The following CDK14 variants were observed in gnomAD, a reference collection of about 807,000 sequenced individuals.
CDK14 encodes cyclin-dependent kinase 14.
Under a neutral mutation model 60.7 loss-of-function variants are expected in CDK14, and 34 were observed. The observed-to-expected ratio is 0.56, with a 90% CI of 0.43 to 0.75. The LOEUF (loss-of-function observed/expected upper bound fraction) is 0.75, where lower values mean the gene tolerates loss of function less well. Among genes scored for constraint, CDK14 ranks in the 30% least tolerant of loss-of-function variants. The pLI, the probability that CDK14 is intolerant of heterozygous loss-of-function variation, is 0.00. For missense variants in CDK14, 482 were observed against 564.1 expected, an observed-to-expected ratio of 0.85 and a Z score of 1.47; for synonymous variants, 197 against 203.7, an observed-to-expected ratio of 0.97 and a Z score of 0.28.
intron 5 of CDK14, among the ~76,000 whole-genome samples, chr7:90,852,561 C>G (rs893891816): frequency 1.3e-5 from 2 of 152,140 alleles, no homozygotes; most frequent in Non-Finnish European, 2.9e-5. Context: ...GTCTTTGCCA[C>G]CATATGGTTG....
At chr7:90,649,330 T>TTCCG (rs1800554651) in intron 2 of CDK14, among the ~76,000 whole-genome samples, 3 of 45,074 alleles carry the variant, frequency 6.7e-5, no homozygotes, top group African/African-American at 4.3e-4. Flanking sequence ...CCTTCCTTCC[T>TTCCG]TCCTTCCTTC....
At chr7:90,843,540 C>G (rs1038595372) in intron 5 of CDK14, among the ~76,000 whole-genome samples, 1 of 152,152 alleles carries the variant, frequency 6.6e-6, no homozygotes, top group Non-Finnish European at 1.5e-5. Flanking sequence ...TACATCTAAT[C>G]ATATTCCTCA....
chr7:91,124,715 T>A lies in CDK14; in HGVS notation c.*28+6507T>A, dbSNP rs1214292620. ...ATCTTCTGACTTCTTAAAACCCAAA[T>A]TAATTTCTTAGGGACTATTTAGCCA... On this transcript the variant is annotated intron_variant, in intron 14 of 14. Transcript: ENST00000380050. Among the ~76,000 whole-genome samples, 4 of 152,246 alleles carry A rather than the reference T, an allele frequency of 2.6e-5. No homozygotes were observed. In the East Asian group the frequency reaches 7.7e-4, roughly 29 times the overall value.
At chr7:90,656,108 T>G (rs1800746263) in intron 2 of CDK14, among the ~76,000 whole-genome samples, 1 of 152,190 alleles carries the variant, frequency 6.6e-6, no homozygotes, top group African/African-American at 2.4e-5. Flanking sequence ...CCAGCTGGAA[T>G]AAGGCAAACA....
intron 14 of CDK14, among the ~76,000 whole-genome samples, chr7:91,129,815 G>T (rs998558032): frequency 6.6e-6 from 1 of 152,092 alleles, no homozygotes; most frequent in South Asian, 2.1e-4. Flanking sequence ...ATAAACAAAT[G>T]TGATTTTTTT....
At chr7:91,179,940 T>C (rs926019986) in intron 14 of CDK14, among the ~76,000 whole-genome samples, 1 of 152,234 alleles carries the variant, frequency 6.6e-6, no homozygotes, top group African/African-American at 2.4e-5. Context: ...TTTAATCTTA[T>C]TAGGAATTTT....
intron 14 of CDK14, among the ~76,000 whole-genome samples, chr7:91,182,512 A>T (rs759638189): frequency 4.0e-5 from 6 of 151,818 alleles, no homozygotes; most frequent in Non-Finnish European, 8.8e-5. Context: ...TCCTTATGCA[A>T]TTTTTTTTAT....
chr7:90,776,536 G>A (rs912325790), intron 4 of CDK14, among the ~76,000 whole-genome samples: 2 of 152,104 alleles, frequency 1.3e-5, no homozygotes, highest in Non-Finnish European at 2.9e-5. Context: ...GTGTGAGCTC[G>A]GCTTTAAAGT....
chr7:91,013,396 A>T (rs997987220), intron 10 of CDK14, among the ~76,000 whole-genome samples: 20 of 152,200 alleles, frequency 1.3e-4, no homozygotes, highest in African/African-American at 4.8e-4. Flanking sequence ...AAAACTTTGT[A>T]TTTGACTTCA....
intron 14 of CDK14, among the ~76,000 whole-genome samples, chr7:91,127,831 A>G (rs2116413590): frequency 6.6e-6 from 1 of 152,296 alleles, no homozygotes; most frequent in South Asian, 2.1e-4. Context: ...GCAGTTTATA[A>G]AAAGAGAACA....
chr7:90,606,643 A>G (rs1051419170), intron 2 of CDK14, among the ~76,000 whole-genome samples: 4 of 152,226 alleles, frequency 2.6e-5, no homozygotes, highest in Non-Finnish European at 5.9e-5. Context: ...CTTGCATATT[A>G]AAACTGAGAA....
intron 12 of CDK14, among the ~76,000 whole-genome samples, chr7:91,089,274 T>C (rs1798732479): frequency 6.6e-6 from 1 of 152,150 alleles, no homozygotes; most frequent in Non-Finnish European, 1.5e-5. Context: ...AAAAAATGAC[T>C]GTCGACATAC....
intron 10 of CDK14, among the ~76,000 whole-genome samples, chr7:91,003,810 T>A (rs1364945340): frequency 6.6e-6 from 1 of 152,076 alleles, no homozygotes; most frequent in Non-Finnish European, 1.5e-5. Context: ...TTCAAGAAAA[T>A]TGATTGTTTA....
chr7:90,628,266 A>AT (rs954709472), intron 2 of CDK14, among the ~76,000 whole-genome samples: 3 of 152,062 alleles, frequency 2.0e-5, no homozygotes, highest in Non-Finnish European at 4.4e-5. Flanking sequence ...CAGAAAGGTG[A>AT]TTTTTTAGGA....
At chr7:90,841,031 T>G (rs767393724) in intron 5 of CDK14, among the ~76,000 whole-genome samples, 8 of 152,164 alleles carry the variant, frequency 5.3e-5, no homozygotes, top group Non-Finnish European at 7.4e-5. Flanking sequence ...AGGGAAGGTA[T>G]CAAACTGGTT....
intron 11 of CDK14, among the ~76,000 whole-genome samples, chr7:91,078,987 T>C (rs541739003): frequency 1.3e-5 from 2 of 152,216 alleles, no homozygotes; most frequent in Non-Finnish European, 2.9e-5. Context: ...GCTTTGAGCA[T>C]GTATAAATAC....
At chr7:90,794,914 G>C (rs1208374159) in intron 5 of CDK14, among the ~76,000 whole-genome samples, 2 of 152,136 alleles carry the variant, frequency 1.3e-5, no homozygotes, top group Non-Finnish European at 2.9e-5. Context: ...ATTAATTTGG[G>C]GAACTAATAA....
At chr7:90,775,711 T>TC (rs373509520) in intron 4 of CDK14, among the ~76,000 whole-genome samples, 46,422 of 119,488 alleles carry the variant, frequency 0.39, 9,754 homozygotes, top group East Asian at 0.78. Context: ...TCCTTTTCCT[T>TC]CTCCTCCTCC....
intron 4 of CDK14, among the ~76,000 whole-genome samples, chr7:90,757,703 C>A (rs1044733754): frequency 6.6e-6 from 1 of 151,922 alleles, no homozygotes; most frequent in Admixed American, 6.6e-5. Flanking sequence ...GAGGCTTAAC[C>A]GATTCTCATG....
Sources: allele counts gnomAD v4.1 joint callset (sites outside exome capture counted in the v4.1 genomes callset), GRCh38; gene constraint gnomAD v4.1.1; transcripts MANE v1.5; gene names NCBI Gene and HGNC (gene_info 2026-07-23, HGNC 2026-07-21).